The following JAKMIP1 variants were observed in gnomAD, a reference collection of about 807,000 sequenced individuals.
JAKMIP1 encodes the protein janus kinase and microtubule interacting protein 1, also known as janus kinase and microtubule-interacting protein 1.
JAKMIP1 carries 33 observed loss-of-function variants against 113.0 expected under a neutral mutation model. The observed-to-expected ratio is 0.29, with a 90% CI of 0.22 to 0.39. The LOEUF (loss-of-function observed/expected upper bound fraction) is 0.39, where lower values mean the gene tolerates loss of function less well. Ranked by LOEUF, JAKMIP1 falls within the 10% of genes least tolerant of loss-of-function variation. JAKMIP1 has a pLI of 1.00. For missense variants in JAKMIP1, 813 were observed against 1,080.5 expected (o/e 0.75, Z 3.47); for synonymous variants, 480 against 459.9 (o/e 1.04, Z -0.56).
chr4:6,075,304 G>A (rs142754175), intron 8 of JAKMIP1, among the ~76,000 whole-genome samples: 94 of 152,300 alleles, frequency 6.2e-4, no homozygotes, highest in South Asian at 4.2e-3. Context: ...AGAAAGCCAA[G>A]TGTACTGAAT....
At chr4:6,066,012 C>G (rs1673502591) in intron 8 of JAKMIP1, among the ~76,000 whole-genome samples, 1 of 151,940 alleles carries the variant, frequency 6.6e-6, no homozygotes, top group Non-Finnish European at 1.5e-5. Context: ...TTTTCCCAAA[C>G]AGCCCCCGAC....
rs1180119375 is a variant in JAKMIP1, at chr4:6,156,475, A to G, written c.-147-43478T>C. 6.6e-6 allele frequency among the ~76,000 whole-genome samples: 1 copy of G among 152,232 alleles called. No individual in the cohort carries two copies. The highest frequency in any genetic ancestry group is 2.4e-5 in the African/African-American group (1 of 41,468). On this transcript the variant is annotated intron_variant, in intron 1 of 20. Coordinates refer to ENST00000409021, the MANE Select transcript of JAKMIP1 (RefSeq NM_001099433.2). The surrounding 1 kb of genome is among the most constrained non-coding windows in gnomAD (Gnocchi z 5.0). ...TTAAAAGTTTAAATTAGCTGCCAAC[A>G]CAGCTAACAGATTGTTGTGCATTTC...
chr4:6,183,478 C>CAATAAATA lies in JAKMIP1; in HGVS notation c.-148+16767_-148+16774dup, dbSNP rs1475589913. ...TGGGTGACAGAGCAAGACTCTGTCT[C>CAATAAATA]AATAAATAAATAAATAAATAAATAA... On this transcript the variant is annotated intron_variant, in intron 1 of 20. Transcript: ENST00000409021. The surrounding 1 kb of genome is among the most constrained non-coding windows in gnomAD (Gnocchi z 5.3). Among the ~76,000 whole-genome samples, 2,579 of 126,688 alleles carry CAATAAATA rather than the reference C, an allele frequency of 0.02. 65 individuals carry two copies. Among genetic ancestry groups the CAATAAATA allele is most frequent in the East Asian group, 0.092 (407 of 4,402 alleles). 83.1% of individuals were successfully genotyped at this position (126,688 alleles called of 152,430 possible). A position where few individuals can be genotyped will look rare whatever the true frequency, so the allele number is the denominator to read the frequency against.
chr4:6,154,583 C>T lies in JAKMIP1; in HGVS notation c.-147-41586G>A, dbSNP rs1169206183. Among the ~76,000 whole-genome samples, 1 of 152,054 alleles carries T rather than the reference C, an allele frequency of 6.6e-6. No individual in the cohort carries two copies. Among genetic ancestry groups the T allele is most frequent in the Non-Finnish European group, 1.5e-5 (1 of 68,002 alleles). ...AAAGGCAATACCGAAAAGGCAGACA[C>T]CAAGAAACTTAGCAAGGCTTCCAAG... On this transcript the variant is annotated intron_variant, in intron 1 of 20. Transcript: ENST00000409021. This position sits in a 1 kb window ranked among gnomAD's most constrained non-coding sequence, Gnocchi z 4.2.
At chr4:6,066,196 C>T (rs1156411807) in intron 8 of JAKMIP1, among the ~76,000 whole-genome samples, 1 of 152,022 alleles carries the variant, frequency 6.6e-6, no homozygotes, top group Non-Finnish European at 1.5e-5. Flanking sequence ...ATACTAAGGG[C>T]CCCTCCCAGC....
rs1426458700 is a variant in JAKMIP1, at chr4:6,089,214, G to A, written c.625-3585C>T. Among the ~76,000 whole-genome samples, 2 of 152,188 alleles carry A rather than the reference G, an allele frequency of 1.3e-5. No individual in the cohort carries two copies. The highest frequency in any genetic ancestry group is 4.8e-5 in the African/African-American group (2 of 41,444). ...GCAGAGCCCAAGAACCTGGGATCCTGGATGACATCGTTAGTGCACCTGGAG... is the reference window on the plus strand; with the variant it reads ...GCAGAGCCCAAGAACCTGGGATCCTAGATGACATCGTTAGTGCACCTGGAG... On this transcript the variant is annotated intron_variant, in intron 3 of 20. Transcript: ENST00000409021. The surrounding 1 kb of genome is among the most constrained non-coding windows in gnomAD (Gnocchi z 5.3).
At position 6,156,224 on chromosome 4, in the gene JAKMIP1, G is replaced by C. The variant is rs901346545; in HGVS notation, c.-147-43227C>G. 3.3e-5 allele frequency among the ~76,000 whole-genome samples: 5 copies of C among 152,202 alleles called. No homozygotes were observed. Among genetic ancestry groups the C allele is most frequent in the African/African-American group, 4.8e-5 (2 of 41,454 alleles). ...CAGCCACGCGCAAAGCCAGCCCTCG[G>C]AAGTGGCCCGCCAACACAGGAACAA... is the stretch of plus-strand genomic sequence containing the variant. On this transcript the variant is annotated intron_variant, in intron 1 of 20. Coordinates refer to ENST00000409021, the MANE Select transcript of JAKMIP1 (RefSeq NM_001099433.2). This position sits in a 1 kb window ranked among gnomAD's most constrained non-coding sequence, Gnocchi z 5.0.
At chr4:6,055,089 T>C (rs142636399) in intron 12 of JAKMIP1, among the ~76,000 whole-genome samples, 1,755 of 152,198 alleles carry the variant, frequency 0.012, 36 homozygotes, top group African/African-American at 0.039. Context: ...TAGCAGCAGA[T>C]TGGGGGCTGG....
chr4:6,080,178 G>T lies in JAKMIP1; in HGVS notation c.1236C>A (p.Leu412=). 6.2e-7 allele frequency: 1 copy of T among 1,607,436 alleles called. No homozygotes were observed. Among genetic ancestry groups the T allele is most frequent in the South Asian group, 1.1e-5 (1 of 89,924 alleles). Reference sequence around the variant, plus strand: ...CCAGCTGTGCTAGATGTACCAGTGAGAGGTCGTCAATGACGTGCTGCTGCT... The same window carrying T: ...CCAGCTGTGCTAGATGTACCAGTGATAGGTCGTCAATGACGTGCTGCTGCT... ...VLEQQHVIDD[L]SLERERLLRS... Residue 412 remains leucine, a synonymous_variant, in exon 7 of 21, where the codon CTC becomes CTA. Transcript: ENST00000409021. The surrounding 1 kb of genome is among the most constrained non-coding windows in gnomAD (Gnocchi z 6.0).
chr4:6,044,897 C>A lies in JAKMIP1; in HGVS notation c.2029-2670G>T, dbSNP rs886897778. On this transcript the variant is annotated intron_variant, in intron 16 of 20. Coordinates refer to ENST00000409021, the MANE Select transcript of JAKMIP1 (RefSeq NM_001099433.2). The surrounding 1 kb of genome is among the most constrained non-coding windows in gnomAD (Gnocchi z 4.4). ...GCTCAGTCACTCCTGGGAGAAACAGCGTTCATGGTTCTGCTCCAACCCCAG... is the reference window on the plus strand; with the variant it reads ...GCTCAGTCACTCCTGGGAGAAACAGAGTTCATGGTTCTGCTCCAACCCCAG... Among the ~76,000 whole-genome samples the A allele has an allele frequency of 3.3e-5, 5 of 152,212 alleles. No individual in the cohort carries two copies. The highest frequency in any genetic ancestry group is 1.2e-4 in the African/African-American group (5 of 41,458).
At chr4:6,119,701 C>T (rs997142125) in intron 1 of JAKMIP1, among the ~76,000 whole-genome samples, 1 of 152,244 alleles carries the variant, frequency 6.6e-6, no homozygotes, top group Non-Finnish European at 1.5e-5. Context: ...CATCAAGAAA[C>T]CACAATGCCT....
In JAKMIP1 at chr4:6,128,807, C is replaced by T. The variant is rs553957236; in HGVS notation, c.-147-15810G>A. ...CCCTGACCCTCCTCCTCCTAGCCACCCCTGCAGGGCCACCAGAAGGCACCA... is the reference window on the plus strand; with the variant it reads ...CCCTGACCCTCCTCCTCCTAGCCACTCCTGCAGGGCCACCAGAAGGCACCA... On this transcript the variant is annotated intron_variant, in intron 1 of 20. Transcript: ENST00000409021. 6.6e-5 allele frequency among the ~76,000 whole-genome samples: 10 copies of T among 152,274 alleles called. No individual in the cohort carries two copies. In the South Asian group the frequency reaches 1.0e-3, roughly 16 times the overall value.
chr4:6,028,793 T>C (rs1239389533), intron 20 of JAKMIP1, among the ~76,000 whole-genome samples: 3 of 152,190 alleles, frequency 2.0e-5, no homozygotes, highest in Admixed American at 2.0e-4. Context: ...CCTGGATGGG[T>C]TCAGCGGCTC....
At chr4:6,114,608 C>G (rs1009556961) in intron 1 of JAKMIP1, among the ~76,000 whole-genome samples, 10 of 152,220 alleles carry the variant, frequency 6.6e-5, no homozygotes, top group African/African-American at 2.4e-4. Context: ...AGGTCAGCTG[C>G]TTTCCTCCTG....
At chr4:6,127,568 C>T (rs1209411665) in intron 1 of JAKMIP1, among the ~76,000 whole-genome samples, 1 of 152,186 alleles carries the variant, frequency 6.6e-6, no homozygotes, top group Admixed American at 6.5e-5. Context: ...AACAGGGCAA[C>T]AGCTGTGACA....
intron 3 of JAKMIP1, 124 bp from the exon 4 acceptor site, chr4:6,085,753 T>C (rs948851072): frequency 7.6e-6 from 6 of 787,870 alleles, no homozygotes; most frequent in Non-Finnish European, 1.2e-5. Context: ...GTCAACTGAA[T>C]TCAGTAAACT....
intron 1 of JAKMIP1, among the ~76,000 whole-genome samples, chr4:6,165,251 C>T (rs767625209): frequency 7.2e-5 from 11 of 152,232 alleles, no homozygotes; most frequent in Non-Finnish European, 1.6e-4. Context: ...CTCAGATAGT[C>T]ATCAGCATTA....
chr4:6,069,808 C>T lies in JAKMIP1; in HGVS notation c.1303-4800G>A, dbSNP rs1014577252. On this transcript the variant is annotated intron_variant, in intron 8 of 20. Coordinates refer to ENST00000409021, the MANE Select transcript of JAKMIP1 (RefSeq NM_001099433.2). The surrounding 1 kb of genome is among the most constrained non-coding windows in gnomAD (Gnocchi z 4.5). Reference sequence around the variant, plus strand: ...CAAAATGAATGAAGAGTAAACATGTCTCCTCCATTTACACTTTGCATATAC... The same window carrying T: ...CAAAATGAATGAAGAGTAAACATGTTTCCTCCATTTACACTTTGCATATAC... Among the ~76,000 whole-genome samples the T allele has an allele frequency of 6.6e-6, 1 of 151,876 alleles. No homozygotes were observed. Among genetic ancestry groups the T allele is most frequent in the Admixed American group, 6.6e-5 (1 of 15,242 alleles).
intron 9 of JAKMIP1, 74 bp from the exon 10 acceptor site, chr4:6,062,514 A>C: frequency 2.0e-6 from 3 of 1,475,072 alleles, no homozygotes; most frequent in Non-Finnish European, 2.8e-6. Context: ...ATTGATTTTA[A>C]TAATAAACAT....
Sources: gnomAD v4.1 joint callset for allele counts (sites outside exome capture counted in the v4.1 genomes callset) on GRCh38, gnomAD v4.1.1 for gene constraint, Gnocchi (gnomAD v3.1) non-coding constraint, MANE v1.5 for transcripts, NCBI Gene and HGNC (gene_info 2026-07-23, HGNC 2026-07-21) for gene names.